Variants in KCNH1 observed in about 807,000 individuals in gnomAD.
The protein encoded by KCNH1 is potassium voltage-gated channel subfamily H member 1, also known as voltage-gated delayed rectifier potassium channel KCNH1.
A neutral mutation model predicts 69.2 loss-of-function variants in KCNH1; 27 were observed. That is an observed-to-expected ratio of 0.39 (90% CI 0.29 to 0.54). The LOEUF is 0.54. KCNH1 is among the 20% of genes least tolerant of loss of function. KCNH1 has a pLI of 0.68. For synonymous variants in KCNH1, 456 were observed against 487.7 expected, an observed-to-expected ratio of 0.93 and a Z score of 0.86; for missense variants, 798 against 1,261.6, an observed-to-expected ratio of 0.63 and a Z score of 5.57.
chr1:210,870,876 A>T (rs1686226225), intron 7 of KCNH1, among the ~76,000 whole-genome samples: 1 of 152,194 alleles, frequency 6.6e-6, no homozygotes, highest in Non-Finnish European at 1.5e-5. Flanking sequence ...ACTTCAACCC[A>T]TCCTTCTTTA....
intron 7 of KCNH1, among the ~76,000 whole-genome samples, chr1:210,845,146 G>C (rs967584588): frequency 1.2e-4 from 18 of 152,074 alleles, no homozygotes; most frequent in Non-Finnish European, 2.1e-4. Flanking sequence ...TTCTACCTGA[G>C]GTACAAAGAG....
chr1:210,737,598 T>C (rs1468226022), intron 10 of KCNH1, among the ~76,000 whole-genome samples: 1 of 152,188 alleles, frequency 6.6e-6, no homozygotes, highest in African/African-American at 2.4e-5. Context: ...AACTCCCCTT[T>C]GATCTCTCAA....
intron 7 of KCNH1, among the ~76,000 whole-genome samples, chr1:210,892,049 C>T (rs920458890): frequency 2.0e-5 from 3 of 152,068 alleles, no homozygotes; most frequent in African/African-American, 7.2e-5. Context: ...ACATCACACA[C>T]TGGGGCCTGT....
intron 6 of KCNH1, among the ~76,000 whole-genome samples, chr1:210,973,813 A>G (rs2102369658): frequency 6.6e-6 from 1 of 152,336 alleles, no homozygotes; most frequent in East Asian, 1.9e-4. Flanking sequence ...TATTATGAGA[A>G]TAGATTGTTT....
chr1:210,812,091 G>C (rs2102416268), intron 7 of KCNH1, among the ~76,000 whole-genome samples: 1 of 152,268 alleles, frequency 6.6e-6, no homozygotes, highest in East Asian at 1.9e-4. Context: ...TGATTTTCTA[G>C]CTTCTATTGC....
intron 9 of KCNH1, among the ~76,000 whole-genome samples, chr1:210,782,653 G>C (rs967780328): frequency 3.9e-5 from 6 of 152,080 alleles, no homozygotes; most frequent in African/African-American, 1.4e-4. Flanking sequence ...TTGGACCTAG[G>C]GGGCAGAGGT....
At chr1:211,112,972 A>G (rs535238702) in intron 1 of KCNH1, among the ~76,000 whole-genome samples, 1 of 152,348 alleles carries the variant, frequency 6.6e-6, no homozygotes, top group South Asian at 2.1e-4. Flanking sequence ...CACATATATC[A>G]TTAGGAATTA....
chr1:210,780,276 A>T (rs1175622084), intron 9 of KCNH1, among the ~76,000 whole-genome samples: 1 of 152,208 alleles, frequency 6.6e-6, no homozygotes, highest in Non-Finnish European at 1.5e-5. Flanking sequence ...TCAGAAAAAA[A>T]TGAAATTTCT....
At chr1:210,845,776 A>G (rs1323924217) in intron 7 of KCNH1, among the ~76,000 whole-genome samples, 2 of 152,192 alleles carry the variant, frequency 1.3e-5, no homozygotes, top group Non-Finnish European at 2.9e-5. Context: ...TTAGGAAAAG[A>G]GGAAGTCAAA....
At chr1:211,060,400 C>CAAAAAAAAAAAAAAAAA (rs60620622) in intron 5 of KCNH1, among the ~76,000 whole-genome samples, 76 of 44,348 alleles carry the variant, frequency 1.7e-3, no homozygotes, top group East Asian at 3.4e-3. Flanking sequence ...GACTCCGTCT[C>CAAAAAAAAAAAAAAAAA]AAAAAAAAAA....
chr1:210,720,288 A>ACTT (rs1336937727), intron 10 of KCNH1, among the ~76,000 whole-genome samples: 2 of 152,176 alleles, frequency 1.3e-5, no homozygotes, highest in Non-Finnish European at 2.9e-5. Context: ...GGAATTGAGG[A>ACTT]CTTCATTGCA....
chr1:210,865,202 G>GC (rs1205878627), intron 7 of KCNH1, among the ~76,000 whole-genome samples: 3 of 152,166 alleles, frequency 2.0e-5, no homozygotes, highest in Non-Finnish European at 4.4e-5. Flanking sequence ...CTAAACATAT[G>GC]CCCCCATAGT....
intron 7 of KCNH1, chr1:210,857,981 G>A (rs531401142): frequency 1.3e-5 from 2 of 152,218 alleles, no homozygotes; most frequent in Admixed American, 1.3e-4. Context: ...GGGGGAGTGG[G>A]TGAGTGTTAA....
chr1:211,104,811 G>A (rs1432244718), intron 2 of KCNH1, among the ~76,000 whole-genome samples: 5 of 152,196 alleles, frequency 3.3e-5, no homozygotes, highest in Non-Finnish European at 7.3e-5. Context: ...AAATGTCACT[G>A]TAAAGTAAAT....
chr1:210,939,794 A>C (rs2102586368), intron 6 of KCNH1, among the ~76,000 whole-genome samples: 1 of 152,330 alleles, frequency 6.6e-6, no homozygotes, highest in South Asian at 2.1e-4. Flanking sequence ...CTGACTCCCA[A>C]GTATATGTTC....
At chr1:210,952,889 T>A (rs999931643) in intron 6 of KCNH1, among the ~76,000 whole-genome samples, 4 of 152,224 alleles carry the variant, frequency 2.6e-5, no homozygotes. Flanking sequence ...TAGGCAACCA[T>A]ATGCAGTAGC....
chr1:210,947,978 G>A (rs185104994), intron 6 of KCNH1, among the ~76,000 whole-genome samples: 5 of 151,940 alleles, frequency 3.3e-5, no homozygotes, highest in Admixed American at 1.3e-4. Flanking sequence ...GTAGGGGTTG[G>A]GGGCAGATTG....
chr1:210,850,460 G>A (rs970913633), intron 7 of KCNH1, among the ~76,000 whole-genome samples: 5 of 152,148 alleles, frequency 3.3e-5, no homozygotes, highest in African/African-American at 7.2e-5. Context: ...GCAGTGAGTC[G>A]AGATCCTGTC....
chr1:210,996,617 G>C (rs1394058211), intron 6 of KCNH1, among the ~76,000 whole-genome samples: 5 of 152,232 alleles, frequency 3.3e-5, no homozygotes, highest in Non-Finnish European at 7.3e-5. Context: ...ATCCCTGTCT[G>C]ACAGCTTTGA....
Sources: gnomAD v4.1 joint callset for allele counts (sites outside exome capture counted in the v4.1 genomes callset) on GRCh38, gnomAD v4.1.1 for gene constraint, MANE v1.5 for transcripts, NCBI Gene and HGNC (gene_info 2026-07-23, HGNC 2026-07-21) for gene names.